Variants in OSBPL3 observed in about 807,000 individuals in gnomAD.
OSBPL3 encodes oxysterol-binding protein-related protein 3.
OSBPL3 carries 65 observed loss-of-function variants against 120.1 expected under a neutral mutation model. That is an observed-to-expected ratio of 0.54 (90% CI 0.44 to 0.67). The LOEUF (loss-of-function observed/expected upper bound fraction) is 0.67, where lower values mean the gene tolerates loss of function less well. OSBPL3 is among the 30% of genes least tolerant of loss of function. The probability of loss-of-function intolerance (pLI) is 0.00; values close to 1 mark genes in which losing one functional copy is unlikely to be tolerated. For synonymous variants in OSBPL3, 416 were observed against 402.6 expected, an observed-to-expected ratio of 1.03 and a Z score of -0.40; for missense variants, 1,004 against 1,082.1, an observed-to-expected ratio of 0.93 and a Z score of 1.01.
chr7:24,946,915 A>C lies in OSBPL3; in HGVS notation c.-150+32971T>G, dbSNP rs542525430. On this transcript the variant is annotated intron_variant, in intron 1 of 22. Transcript: ENST00000313367. This position sits in a 1 kb window ranked among gnomAD's most constrained non-coding sequence, Gnocchi z 4.3. Reference sequence around the variant, plus strand: ...CTTAACTCTTTTTCTTTCCCACAACACTCATCAGGAATCCAATAAAGGTTT... The same window carrying C: ...CTTAACTCTTTTTCTTTCCCACAACCCTCATCAGGAATCCAATAAAGGTTT... Among the ~76,000 whole-genome samples the C allele has an allele frequency of 6.6e-5, 10 of 152,294 alleles. No individual in the cohort carries two copies. In the South Asian group the frequency reaches 2.1e-3, roughly 32 times the overall value.
At chr7:24,928,340 C>A (rs151286789) in intron 1 of OSBPL3, among the ~76,000 whole-genome samples, 1 of 151,958 alleles carries the variant, frequency 6.6e-6, no homozygotes, top group Non-Finnish European at 1.5e-5. Context: ...TATAGGCGCC[C>A]GCCACCACAC....
intron 16 of OSBPL3, among the ~76,000 whole-genome samples, chr7:24,826,147 C>G (rs910807376): frequency 6.6e-6 from 1 of 152,190 alleles, no homozygotes; most frequent in African/African-American, 2.4e-5. Flanking sequence ...GAGGACGCAG[C>G]AAGCAGGGAA....
At chr7:24,845,942 A>G (rs1178345420) in intron 12 of OSBPL3, among the ~76,000 whole-genome samples, 1 of 152,334 alleles carries the variant, frequency 6.6e-6, no homozygotes, top group South Asian at 2.1e-4. Flanking sequence ...CTTGAGCCCA[A>G]GAGTTCAAGG....
chr7:24,958,467 T>C (rs1815333493), intron 1 of OSBPL3, among the ~76,000 whole-genome samples: 2 of 152,296 alleles, frequency 1.3e-5, no homozygotes, highest in Admixed American at 1.3e-4. Context: ...ATGGGCTACA[T>C]TTTGGGAAAT....
At chr7:24,956,803 T>G (rs1815111176) in intron 1 of OSBPL3, among the ~76,000 whole-genome samples, 2 of 152,304 alleles carry the variant, frequency 1.3e-5, no homozygotes, top group South Asian at 4.1e-4. Flanking sequence ...GTTTTATCCT[T>G]TTTTAACTCT....
At chr7:24,866,507 G>T (rs539993630) in intron 5 of OSBPL3, among the ~76,000 whole-genome samples, 31 of 152,238 alleles carry the variant, frequency 2.0e-4, no homozygotes, top group African/African-American at 7.5e-4. Context: ...CAGACATGGT[G>T]GCACACGCCT....
At chr7:24,950,658 C>T (rs1465990988) in intron 1 of OSBPL3, among the ~76,000 whole-genome samples, 1 of 152,170 alleles carries the variant, frequency 6.6e-6, no homozygotes, top group Non-Finnish European at 1.5e-5. Flanking sequence ...AGAGGCGAAG[C>T]TTGCAGTGAG....
chr7:24,937,698 C>T lies in OSBPL3; in HGVS notation c.-150+42188G>A, dbSNP rs1377928153. On this transcript the variant is annotated intron_variant, in intron 1 of 22. Coordinates refer to ENST00000313367, the MANE Select transcript of OSBPL3 (RefSeq NM_015550.4). This position sits in a 1 kb window ranked among gnomAD's most constrained non-coding sequence, Gnocchi z 4.0. ...GCTATCAGGCATAAAACATGAAACA[C>T]CTTAAACCTAACTAATTACTTATTA... 6.6e-6 allele frequency among the ~76,000 whole-genome samples: 1 copy of T among 152,166 alleles called. No homozygotes were observed. Among genetic ancestry groups the T allele is most frequent in the Non-Finnish European group, 1.5e-5 (1 of 68,030 alleles).
At chr7:24,882,922 GT>G (rs1803931098) in intron 2 of OSBPL3, among the ~76,000 whole-genome samples, 1 of 152,006 alleles carries the variant, frequency 6.6e-6, no homozygotes, top group Non-Finnish European at 1.5e-5. Context: ...GAGATTATTT[GT>G]TTTTTGTTGT....
chr7:24,914,133 T>C (rs1037197560), intron 1 of OSBPL3, among the ~76,000 whole-genome samples: 11 of 151,908 alleles, frequency 7.2e-5, no homozygotes, highest in African/African-American at 2.4e-4. Context: ...GTCATCTGAA[T>C]AGGAACAGAA....
intron 1 of OSBPL3, among the ~76,000 whole-genome samples, chr7:24,942,491 C>A (rs1562994956): frequency 1.3e-5 from 2 of 152,112 alleles, no homozygotes; most frequent in Non-Finnish European, 2.9e-5. Context: ...CCACGCTGAT[C>A]ACCAGCAGAA....
At position 24,867,491 on chromosome 7, in the gene OSBPL3, T is replaced by C. The variant is rs1801493035; in HGVS notation, c.382-1254A>G. Reference sequence around the variant, plus strand: ...GTAACTGGATCATGGGGGCAAGTCATTCCCATGGTGTTCTCGTGGTGGTGC... The same window carrying C: ...GTAACTGGATCATGGGGGCAAGTCACTCCCATGGTGTTCTCGTGGTGGTGC... On this transcript the variant is annotated intron_variant, in intron 5 of 22. Transcript: ENST00000313367. This position sits in a 1 kb window ranked among gnomAD's most constrained non-coding sequence, Gnocchi z 4.5. Among the ~76,000 whole-genome samples, 1 of 152,170 alleles carries C rather than the reference T, an allele frequency of 6.6e-6. No individual in the cohort carries two copies. Among genetic ancestry groups the C allele is most frequent in the South Asian group, 2.1e-4 (1 of 4,818 alleles).
Position 24,797,317 on chromosome 7 carries a change from T to C in OSBPL3, c.*2866A>G, listed in dbSNP as rs183655880. On this transcript the variant is annotated 3_prime_UTR_variant, in exon 23 of 23. Coordinates refer to ENST00000313367, the MANE Select transcript of OSBPL3 (RefSeq NM_015550.4). This position sits in a 1 kb window ranked among gnomAD's most constrained non-coding sequence, Gnocchi z 4.8. ...ATGACGTAAACATTAAAAAATATAT[T>C]AGTTTGTATATTTCCCCCAGGAAGT... 573 of 152,164 alleles carry C rather than the reference T, an allele frequency of 3.8e-3. 8 individuals carry two copies. Among genetic ancestry groups the C allele is most frequent in the African/African-American group, 0.013 (547 of 41,506 alleles). 9.4% of individuals were successfully genotyped at this position (152,164 alleles called of 1,614,324 possible).
rs1202302966 is a variant in OSBPL3 at position 24,805,295 on chromosome 7, C to T, written c.2445-858G>A. ...GATAGGTTAAAAATTGGGATGTCGACATGATTTTTAAATTTGCATTTTTCT... is the reference window on the plus strand; with the variant it reads ...GATAGGTTAAAAATTGGGATGTCGATATGATTTTTAAATTTGCATTTTTCT... On this transcript the variant is annotated intron_variant, in intron 21 of 22. Transcript: ENST00000313367. The surrounding 1 kb of genome is among the most constrained non-coding windows in gnomAD (Gnocchi z 4.0). Among the ~76,000 whole-genome samples, 4 of 152,124 alleles carry T rather than the reference C, an allele frequency of 2.6e-5. No individual in the cohort carries two copies. Among genetic ancestry groups the T allele is most frequent in the African/African-American group, 9.7e-5 (4 of 41,422 alleles).
In OSBPL3 at chr7:24,953,703, G is replaced by C. The variant is rs550622230; in HGVS notation, c.-150+26183C>G. On this transcript the variant is annotated intron_variant, in intron 1 of 22. Transcript: ENST00000313367. The surrounding 1 kb of genome is among the most constrained non-coding windows in gnomAD (Gnocchi z 4.3). The stretch of plus-strand genomic sequence containing the variant: ...CAGATCCTGGTACAGTAGGTGCCCA[G>C]TAAACGCTGAACAAATGAATGAAAA... Among the ~76,000 whole-genome samples, 1 of 152,306 alleles carries C rather than the reference G, an allele frequency of 6.6e-6. No individual in the cohort carries two copies. The highest frequency in any genetic ancestry group is 2.1e-4 in the South Asian group (1 of 4,826).
In OSBPL3 at chr7:24,964,422, T is replaced by C. The variant is rs1266615869; in HGVS notation, c.-150+15464A>G. On this transcript the variant is annotated intron_variant, in intron 1 of 22. Transcript: ENST00000313367. This position sits in a 1 kb window ranked among gnomAD's most constrained non-coding sequence, Gnocchi z 4.2. ...TGTAATGAGAATGGCATTTTACCTC[T>C]GTAATCTTCTTCCCCAAAACCCATA... Among the ~76,000 whole-genome samples, 1 of 152,216 alleles carries C rather than the reference T, an allele frequency of 6.6e-6. No individual in the cohort carries two copies. Among genetic ancestry groups the C allele is most frequent in the African/African-American group, 2.4e-5 (1 of 41,444 alleles).
intron 22 of OSBPL3, among the ~76,000 whole-genome samples, chr7:24,801,243 C>CAAAAAA (rs397976980): frequency 1.4e-5 from 1 of 73,980 alleles, no homozygotes; most frequent in African/African-American, 4.9e-5. Flanking sequence ...GACTCCTTCT[C>CAAAAAA]AAAAAAAAAA....
In OSBPL3 at chr7:24,979,877, G is replaced by A; in HGVS notation, c.-150+9C>T. 1 of 924,042 alleles carries A rather than the reference G, an allele frequency of 1.1e-6. No individual in the cohort carries two copies. Among genetic ancestry groups the A allele is most frequent in the Non-Finnish European group, 1.3e-6 (1 of 785,204 alleles). 57.2% of individuals were successfully genotyped at this position (924,042 alleles called of 1,614,324 possible). ...CAGGCCCCATTTAGGCGGGCGCCCC[G>A]CCACTCACCTGAGCGCTGTGCAGCC... On this transcript the variant is annotated intron_variant, in intron 1 of 22. Transcript: ENST00000313367.
intron 2 of OSBPL3, among the ~76,000 whole-genome samples, chr7:24,885,233 A>C (rs937256072): frequency 1.1e-4 from 16 of 151,884 alleles, no homozygotes; most frequent in Admixed American, 3.3e-4. Flanking sequence ...AAAACAAAAA[A>C]AAAAAAAAAG....
Sources: gnomAD v4.1 joint callset for allele counts (sites outside exome capture counted in the v4.1 genomes callset) on GRCh38, gnomAD v4.1.1 for gene constraint, Gnocchi (gnomAD v3.1) non-coding constraint, MANE v1.5 for transcripts, NCBI Gene and HGNC (gene_info 2026-07-23, HGNC 2026-07-21) for gene names.